Variants in ELMOD3 observed in about 807,000 individuals in gnomAD.
The protein encoded by ELMOD3 is ELMO domain-containing protein 3.
In ELMOD3, 36 loss-of-function variants were observed where a neutral mutation model predicts 47.4. The ratio of observed to expected loss-of-function variants is 0.76; its 90% CI spans 0.58 to 1.00. ELMOD3 has a LOEUF of 1.00. Among genes scored for constraint, ELMOD3 ranks in the 50% least tolerant of loss-of-function variants. The probability of loss-of-function intolerance (pLI) is 0.00; values close to 1 mark genes in which losing one functional copy is unlikely to be tolerated. For missense variants in ELMOD3, 404 were observed against 463.8 expected (o/e 0.87, Z 1.18); for synonymous variants, 149 against 183.5 (o/e 0.81, Z 1.52).
In ELMOD3 at chr2:85,390,247, T is replaced by C; in HGVS notation, c.925T>C (p.Ser309Pro). ...WRTQRKTISDSGFVLKELEVL... is the reference protein window; with the variant it reads ...WRTQRKTISDPGFVLKELEVL... ...GACACAGCGGAAGACCATCTCAGAC[T>C]CGGGCTTTGTCCTCAAAGGTGTGCT... Residue 309 changes from serine (S) to proline (P), a missense_variant, in exon 13 of 14, where the codon TCG becomes CCG. Physicochemically the swap from Ser to Pro is moderately conservative, Grantham distance 74 (BLOSUM62 -1). Transcript: ENST00000409013. The C allele has an allele frequency of 6.2e-7, 1 of 1,614,178 alleles. No individual in the cohort carries two copies. Among genetic ancestry groups the C allele is most frequent in the South Asian group, 1.1e-5 (1 of 91,084 alleles).
chr2:85,363,009 G>C, intron 5 of ELMOD3, 88 bp from the exon 6 acceptor site: 1 of 803,902 alleles, frequency 1.2e-6, no homozygotes, highest in Admixed American at 2.1e-5. Flanking sequence ...CCAGTGTCAA[G>C]GACATTCAGT....
Position 85,363,804 on chromosome 2 carries a change from G to C in ELMOD3, c.199+638G>C, listed in dbSNP as rs553184584. 2.0e-5 allele frequency among the ~76,000 whole-genome samples: 3 copies of C among 152,300 alleles called. No homozygotes were observed. The South Asian group carries it at 6.2e-4, about 32-fold the overall frequency. On this transcript the variant is annotated intron_variant, in intron 6 of 13. Coordinates refer to ENST00000409013, the MANE Select transcript of ELMOD3 (RefSeq NM_001135022.2). ...CCTGTTTTTAAAACCATCAGATCTTGTGAGACTTATTCACTATTATGAGAA... is the reference window on the plus strand; with the variant it reads ...CCTGTTTTTAAAACCATCAGATCTTCTGAGACTTATTCACTATTATGAGAA...
At chr2:85,385,620 A>G (rs1428005412) in intron 11 of ELMOD3, among the ~76,000 whole-genome samples, 1 of 152,192 alleles carries the variant, frequency 6.6e-6, no homozygotes, top group Admixed American at 6.5e-5. Context: ...TTGGGCCCAG[A>G]GGCCTGACAG....
chr2:85,383,792 T>C (rs765619046), intron 11 of ELMOD3, among the ~76,000 whole-genome samples: 3 of 152,204 alleles, frequency 2.0e-5, no homozygotes, highest in Non-Finnish European at 4.4e-5. Context: ...AATCCCTCTG[T>C]GGTTACCAAA....
chr2:85,364,731 T>C (rs1230908532), intron 6 of ELMOD3, among the ~76,000 whole-genome samples: 3 of 150,246 alleles, frequency 2.0e-5, no homozygotes, highest in Non-Finnish European at 4.4e-5. Flanking sequence ...ATCTGTGAAG[T>C]TTCTTTTAAT....
At chr2:85,359,876 G>A (rs1683827229) in intron 4 of ELMOD3, among the ~76,000 whole-genome samples, 1 of 152,094 alleles carries the variant, frequency 6.6e-6, no homozygotes. Flanking sequence ...GGTGGCTTGA[G>A]CCCAGGAATT....
At chr2:85,371,326 G>C in intron 9 of ELMOD3, 114 bp from the exon 10 acceptor site, 1 of 1,600,338 alleles carries the variant, frequency 6.2e-7, no homozygotes, top group East Asian at 2.2e-5. Flanking sequence ...TGGCGGGTGA[G>C]AGTGGGAGCT....
chr2:85,367,133 T>G (rs1262689619), intron 6 of ELMOD3, among the ~76,000 whole-genome samples: 1 of 152,200 alleles, frequency 6.6e-6, no homozygotes, highest in Non-Finnish European at 1.5e-5. Flanking sequence ...GAGCACCTAT[T>G]ATGTGTCAAG....
intron 6 of ELMOD3, 58 bp downstream of exon 6, chr2:85,363,224 T>C (rs1684113101): frequency 1.1e-6 from 1 of 897,758 alleles, no homozygotes. Context: ...GACCTTCCCA[T>C]GCATCTGCTG....
intron 6 of ELMOD3, chr2:85,367,629 C>T (rs1684483162): frequency 6.6e-6 from 1 of 152,164 alleles, no homozygotes; most frequent in South Asian, 2.1e-4. Flanking sequence ...TGATCACAAC[C>T]AGTTACAGAT....
chr2:85,390,085 AG>A (rs759950924), intron 12 of ELMOD3, 52 bp from the exon 13 acceptor site: 15 of 1,524,874 alleles, frequency 9.8e-6, no homozygotes, highest in Admixed American at 3.3e-5. Context: ...GAGGGAACCT[AG>A]GTCTCAGCCT....
At chr2:85,366,178 C>T (rs1167896510) in intron 6 of ELMOD3, among the ~76,000 whole-genome samples, 2 of 148,316 alleles carry the variant, frequency 1.3e-5, no homozygotes, top group Non-Finnish European at 3.0e-5. Context: ...ACCATGTTGG[C>T]CAGGCTGGTC....
intron 4 of ELMOD3, among the ~76,000 whole-genome samples, 189 bp from the exon 5 acceptor site, chr2:85,361,997 C>T (rs878880559): frequency 6.6e-6 from 1 of 151,428 alleles, no homozygotes; most frequent in Non-Finnish European, 1.5e-5. Context: ...CTAGTGGGTA[C>T]TAGGTCAAAT....
At chr2:85,390,414 C>T in intron 13 of ELMOD3, 149 bp downstream of exon 13, 1 of 1,614,188 alleles carries the variant, frequency 6.2e-7, no homozygotes, top group Non-Finnish European at 8.5e-7. Context: ...CCATCACCCA[C>T]CCCCTGGAGT....
intron 4 of ELMOD3, among the ~76,000 whole-genome samples, chr2:85,361,696 G>A (rs1270699599): frequency 2.0e-5 from 3 of 152,238 alleles, no homozygotes; most frequent in African/African-American, 7.2e-5. Flanking sequence ...TTGGGAGGCC[G>A]AGGCGGGTGG....
Position 85,371,569 on chromosome 2 carries a change from G to A in ELMOD3, c.607+7G>A, listed in dbSNP as rs1684791850. 3 of 1,614,096 alleles carry A rather than the reference G, an allele frequency of 1.9e-6. No individual in the cohort carries two copies. Among genetic ancestry groups the A allele is most frequent in the South Asian group, 1.1e-5 (1 of 91,062 alleles). On this transcript the variant is annotated splice_region_variant and intron_variant, in intron 10 of 13. Transcript: ENST00000409013. ...GAGGACCTGGGCTTTCAGGGTAAGA[G>A]GGAGGAGTAGCTCATCTTCTTTTTC...
chr2:85,380,497 C>T (rs920413392), intron 11 of ELMOD3, among the ~76,000 whole-genome samples: 73 of 152,066 alleles, frequency 4.8e-4, no homozygotes, highest in Non-Finnish European at 1.5e-4. Flanking sequence ...ATTCAAGAGC[C>T]CCTGTTAGAG....
At position 85,357,226 on chromosome 2, in the gene ELMOD3, A is replaced by G. The variant is rs1341750914; in HGVS notation, c.28A>G (p.Ser10Gly). The G allele has an allele frequency of 6.2e-7, 1 of 1,608,660 alleles. No individual in the cohort carries two copies. Among genetic ancestry groups the G allele is most frequent in the Non-Finnish European group, 8.5e-7 (1 of 1,176,818 alleles). ...GAATGAAAAATCTTGCTCTTTCCAT[A>G]GTAAAGAAGAATTAAGAGATGGACA... is the stretch of plus-strand genomic sequence containing the variant. MNEKSCSFH[S>G]KEELRDGQGE... Residue 10 changes from serine to glycine, a missense_variant, in exon 4 of 14, where the codon AGT (serine) becomes GGT (glycine). Transcript: ENST00000409013.
At chr2:85,377,524 G>T in intron 11 of ELMOD3, 50 bp downstream of exon 11, 1 of 1,560,790 alleles carries the variant, frequency 6.4e-7, no homozygotes, top group South Asian at 1.2e-5. Flanking sequence ...GTGGAGCTAG[G>T]ACCTGAGTGG....
Sources: allele counts gnomAD v4.1 joint callset (sites outside exome capture counted in the v4.1 genomes callset), GRCh38; gene constraint gnomAD v4.1.1; transcripts MANE v1.5; gene names NCBI Gene and HGNC (gene_info 2026-07-23, HGNC 2026-07-21).